GDPD4: variants seen among roughly 807,000 people sequenced by gnomAD.
GDPD4 encodes glycerophosphodiester phosphodiesterase 6.
In GDPD4, 60 loss-of-function variants were observed where a neutral mutation model predicts 67.8. That is an observed-to-expected ratio of 0.88 (90% confidence interval 0.72 to 1.10). The LOEUF is 1.10. Ranked by LOEUF, GDPD4 falls within the 50% of genes least tolerant of loss-of-function variation. The pLI is 0.00. For synonymous variants in GDPD4, 212 were observed against 210.9 expected (o/e 1.00, Z -0.04); for missense variants, 623 against 613.9 (o/e 1.01, Z -0.16).
rs114611951 is a variant in GDPD4 at position 77,227,974 on chromosome 11, T to C, written c.1473-58A>G. On this transcript the variant is annotated intron_variant, in intron 15 of 16. Coordinates refer to ENST00000315938, the MANE Select transcript of GDPD4 (RefSeq NM_182833.3). ...GGGTCTAAAGAATCATGGTCTCTTC[T>C]AACGTTCCTCCTCCAGGATCTTCTT... The C allele has an allele frequency of 9.0e-4, 1,016 of 1,129,072 alleles. 6 individuals carry two copies. The African/African-American group carries it at 0.014, about 16-fold the overall frequency. The allele number at this position is 1,129,072 out of a possible 1,614,324, so 69.9% of individuals were successfully genotyped here.
At chr11:77,246,170 TAA>T (rs753853125) in intron 11 of GDPD4, among the ~76,000 whole-genome samples, 296 of 152,282 alleles carry the variant, frequency 1.9e-3, no homozygotes, top group Non-Finnish European at 3.4e-3. Context: ...CCTGTAGTCC[TAA>T]CTACTAAGGA....
rs1414196865 is a variant in GDPD4, at chr11:77,216,855, C to G, written c.*422G>C. On this transcript the variant is annotated 3_prime_UTR_variant, in exon 17 of 17. Coordinates refer to ENST00000315938, the MANE Select transcript of GDPD4 (RefSeq NM_182833.3). ...AATTCTTCTTTGGAAACACAGAAGG[C>G]TATGTCAGATGCAATGGAATATATT... 11 of 644,492 alleles carry G rather than the reference C, an allele frequency of 1.7e-5. No homozygotes were observed. Among genetic ancestry groups the G allele is most frequent in the Non-Finnish European group, 3.1e-5 (11 of 359,220 alleles). 39.9% of individuals were successfully genotyped at this position (644,492 alleles called of 1,614,324 possible).
chr11:77,270,714 C>CAA (rs1959210110), intron 7 of GDPD4, among the ~76,000 whole-genome samples: 1 of 152,102 alleles, frequency 6.6e-6, no homozygotes, highest in Admixed American at 6.6e-5. Flanking sequence ...TCTCAAAAAA[C>CAA]ACAAACAAAC....
In GDPD4 at chr11:77,239,495, G is replaced by T. The variant is rs949904585; in HGVS notation, c.1241+4199C>A. Among the ~76,000 whole-genome samples, 82 of 152,156 alleles carry T rather than the reference G, an allele frequency of 5.4e-4. 1 individual carries two copies. The highest frequency in any genetic ancestry group is 2.8e-3 in the Admixed American group (43 of 15,268). On this transcript the variant is annotated intron_variant, in intron 13 of 16. Transcript: ENST00000315938. ...CAGTTTATCGGTTGCAAAGTTGCAG[G>T]ATACAAAATCAACATACAAAAACCA...
intron 9 of GDPD4, 112 bp from the exon 10 acceptor site, chr11:77,268,651 T>G (rs2135870233): frequency 1.2e-6 from 1 of 861,036 alleles, no homozygotes; most frequent in Admixed American, 2.0e-5. Flanking sequence ...CTTGGCTCCC[T>G]GAGATCTCCT....
intron 3 of GDPD4, among the ~76,000 whole-genome samples, chr11:77,279,804 T>C (rs1036272965): frequency 6.6e-6 from 1 of 150,784 alleles, no homozygotes; most frequent in Non-Finnish European, 1.5e-5. Context: ...TTGGACATAA[T>C]TGCAATCACA....
chr11:77,238,141 G>C (rs1490695430), intron 13 of GDPD4, among the ~76,000 whole-genome samples: 1 of 151,930 alleles, frequency 6.6e-6, no homozygotes, highest in Admixed American at 6.6e-5. Flanking sequence ...TCAGTGTTTT[G>C]AAATGATTAA....
chr11:77,217,695 TAC>T (rs1958150645), intron 16 of GDPD4, among the ~76,000 whole-genome samples: 1 of 152,228 alleles, frequency 6.6e-6, no homozygotes, highest in African/African-American at 2.4e-5. Flanking sequence ...CCACTACATA[TAC>T]AGTGCTCAGA....
chr11:77,237,374 C>T (rs901211066), intron 13 of GDPD4, among the ~76,000 whole-genome samples: 3 of 152,032 alleles, frequency 2.0e-5, no homozygotes, highest in African/African-American at 7.3e-5. Flanking sequence ...CAATCTAATC[C>T]TTTGTATTAG....
intron 13 of GDPD4, among the ~76,000 whole-genome samples, chr11:77,236,983 T>C (rs1310964221): frequency 6.6e-6 from 1 of 152,200 alleles, no homozygotes; most frequent in Non-Finnish European, 1.5e-5. Flanking sequence ...TAGCCTTATA[T>C]GTAATGTTCT....
rs947149581 is a variant in GDPD4, at chr11:77,271,391, G to C, written c.210C>G (p.Ile70Met). Residue 70 changes from isoleucine (I) to methionine (M), a missense_variant and splice_region_variant, in exon 6 of 17, where the codon ATC becomes ATG. By Grantham distance (10) the Ile-to-Met change is conservative (BLOSUM62 1). Transcript: ENST00000315938. ...ACAGAAGAATCACTAGCAGAATCAG[G>C]ATCTAGGGAAACAGAAAAAAAATCT... is the stretch of plus-strand genomic sequence containing the variant. The part of the protein sequence containing the change: ...IELYLHLCHK[I>M]LILLVILLCV... 5.6e-6 allele frequency: 9 copies of C among 1,603,782 alleles called. 1 individual carries two copies. In the South Asian group the frequency reaches 9.9e-5, roughly 18 times the overall value.
At chr11:77,222,920 T>C (rs1958256021) in intron 16 of GDPD4, among the ~76,000 whole-genome samples, 1 of 152,176 alleles carries the variant, frequency 6.6e-6, no homozygotes, top group Non-Finnish European at 1.5e-5. Flanking sequence ...CTTGGAGGCT[T>C]TGTTCATTTC....
At chr11:77,279,469 C>T in intron 3 of GDPD4, 70 bp from the exon 4 acceptor site, 1 of 881,024 alleles carries the variant, frequency 1.1e-6, no homozygotes, top group South Asian at 1.4e-5. Context: ...AGGATGGGGA[C>T]AAAACCAGAC....
intron 16 of GDPD4, among the ~76,000 whole-genome samples, chr11:77,218,178 A>ATCTT (rs1958161307): frequency 2.0e-5 from 3 of 151,870 alleles, no homozygotes; most frequent in Middle Eastern, 3.4e-3. Context: ...CCATGACAAT[A>ATCTT]TCTTTATAAC....
chr11:77,268,002 A>G (rs1387532169), intron 10 of GDPD4, among the ~76,000 whole-genome samples: 3 of 152,104 alleles, frequency 2.0e-5, no homozygotes, highest in Non-Finnish European at 2.9e-5. Context: ...TCTTGCCACA[A>G]ATGGCCTTAT....
At chr11:77,248,051 C>CAAAAAAAAA (rs34252021) in intron 11 of GDPD4, among the ~76,000 whole-genome samples, 9 of 62,520 alleles carry the variant, frequency 1.4e-4, no homozygotes, top group African/African-American at 5.7e-4. Context: ...AACTCCGTCT[C>CAAAAAAAAA]AAAAAAAAAA....
At chr11:77,254,811 G>A (rs572406255) in intron 11 of GDPD4, among the ~76,000 whole-genome samples, 59 of 152,080 alleles carry the variant, frequency 3.9e-4, no homozygotes, top group African/African-American at 1.4e-3. Context: ...ATAATCTCAA[G>A]ATTAATAAAT....
chr11:77,249,558 A>G (rs188488620), intron 11 of GDPD4, among the ~76,000 whole-genome samples: 15 of 152,340 alleles, frequency 9.8e-5, no homozygotes, highest in Middle Eastern at 3.4e-3. Flanking sequence ...GTGAGGACAC[A>G]GGGCAAACTG....
intron 16 of GDPD4, among the ~76,000 whole-genome samples, chr11:77,218,590 G>C (rs1958170354): frequency 6.6e-6 from 1 of 152,114 alleles, no homozygotes; most frequent in South Asian, 2.1e-4. Flanking sequence ...TGCCCTGTAT[G>C]CAAGTGTTCT....
Sources: gnomAD v4.1 joint callset for allele counts (sites outside exome capture counted in the v4.1 genomes callset) on GRCh38, gnomAD v4.1.1 for gene constraint, MANE v1.5 for transcripts, NCBI Gene and HGNC (gene_info 2026-07-23, HGNC 2026-07-21) for gene names.